ABCA5: variants seen among roughly 807,000 people sequenced by gnomAD.
ABCA5 encodes the protein cholesterol transporter ABCA5.
ABCA5 carries 163 observed loss-of-function variants against 206.0 expected under a neutral mutation model. The observed-to-expected ratio is 0.79, with a 90% CI of 0.70 to 0.90. The LOEUF (loss-of-function observed/expected upper bound fraction) is 0.90, where lower values mean the gene tolerates loss of function less well. Ranked by LOEUF, ABCA5 falls within the 40% of genes least tolerant of loss-of-function variation. The pLI is 0.00. For synonymous variants in ABCA5, 609 were observed against 613.8 expected, an observed-to-expected ratio of 0.99 and a Z score of 0.11; for missense variants, 1,859 against 1,912.9, an observed-to-expected ratio of 0.97 and a Z score of 0.53.
intron 22 of ABCA5, 85 bp downstream of exon 22, chr17:69,270,528 T>A: frequency 8.2e-7 from 1 of 1,223,712 alleles, no homozygotes; most frequent in East Asian, 2.8e-5. Context: ...AATTTCTACA[T>A]ATTTTGTTAT....
intron 16 of ABCA5, 25 bp downstream of exon 16, chr17:69,286,196 T>C (rs1289868105): frequency 6.3e-7 from 1 of 1,589,804 alleles, no homozygotes; most frequent in Non-Finnish European, 8.6e-7. Flanking sequence ...TAATATAGAA[T>C]AATGTCAATA....
chr17:69,270,984 T>C (rs539449321), intron 21 of ABCA5, among the ~76,000 whole-genome samples, 178 bp downstream of exon 21: 135 of 152,334 alleles, frequency 8.9e-4, no homozygotes, highest in African/African-American at 3.1e-3. Flanking sequence ...TGTAACTTTA[T>C]ATATTGGTCA....
At chr17:69,313,655 T>C (rs960296978) in intron 2 of ABCA5, among the ~76,000 whole-genome samples, 1 of 152,154 alleles carries the variant, frequency 6.6e-6, no homozygotes, top group Admixed American at 6.5e-5. Flanking sequence ...CATCCCTATA[T>C]GGATTCACCA....
At chr17:69,294,249 G>A (rs537670823) in intron 11 of ABCA5, among the ~76,000 whole-genome samples, 5 of 152,196 alleles carry the variant, frequency 3.3e-5, no homozygotes, top group East Asian at 1.9e-4. Context: ...GGGGCTGGGC[G>A]CAGTGGCTCA....
intron 20 of ABCA5, 61 bp downstream of exon 20, chr17:69,273,898 T>A: frequency 6.8e-7 from 1 of 1,462,908 alleles, no homozygotes; most frequent in Non-Finnish European, 9.2e-7. Flanking sequence ...CAGACCTTTA[T>A]CCACCCCTCA....
At chr17:69,307,878 A>T (rs907700387) in intron 5 of ABCA5, among the ~76,000 whole-genome samples, 14 of 152,128 alleles carry the variant, frequency 9.2e-5, no homozygotes, top group Admixed American at 2.6e-4. Flanking sequence ...TGAAATTACA[A>T]TATTTTGTAG....
intron 19 of ABCA5, among the ~76,000 whole-genome samples, chr17:69,274,480 T>TC (rs1294493897): frequency 6.6e-6 from 1 of 151,828 alleles, no homozygotes; most frequent in Non-Finnish European, 1.5e-5. Flanking sequence ...TGCCTCAGCC[T>TC]CCCAAAGTGC....
At chr17:69,278,807 C>T (rs1206855228) in intron 18 of ABCA5, among the ~76,000 whole-genome samples, 1 of 152,032 alleles carries the variant, frequency 6.6e-6, no homozygotes, top group Non-Finnish European at 1.5e-5. Flanking sequence ...TCAACAGATG[C>T]AGAAAAGGCC....
intron 10 of ABCA5, among the ~76,000 whole-genome samples, chr17:69,296,986 A>G (rs911120335): frequency 2.0e-5 from 3 of 152,110 alleles, no homozygotes; most frequent in African/African-American, 7.3e-5. Context: ...AGAAAGAAAC[A>G]TAAAATTTCA....
Position 69,249,974 on chromosome 17 carries a change from T to C in ABCA5, c.4696A>G (p.Ile1566Val). ...NASRQESFSS[I>V]LAYKIPKEDV... ...TCCTTAGGAATTTTATAAGCCAAAATAGAAGAAAAACTGGAAAAAAAGATA... is the reference window on the plus strand; with the variant it reads ...TCCTTAGGAATTTTATAAGCCAAAACAGAAGAAAAACTGGAAAAAAAGATA... The change falls in exon 37 of 39, where the codon ATT becomes GTT. Residue 1566 changes from isoleucine to valine, a missense_variant. Transcript: ENST00000392676. 6.7e-7 allele frequency: 1 copy of C among 1,481,766 alleles called. No homozygotes were observed. The highest frequency in any genetic ancestry group is 9.0e-7 in the Non-Finnish European group (1 of 1,110,748). The allele number at this position is 1,481,766 out of a possible 1,614,324, so 91.8% of individuals were successfully genotyped here.
intron 1 of ABCA5, among the ~76,000 whole-genome samples, chr17:69,321,969 C>T (rs1230736837): frequency 1.3e-5 from 2 of 151,916 alleles, no homozygotes. Context: ...AAATGGAAAG[C>T]CTACTAAAGC....
At chr17:69,310,138 C>T (rs1259028286) in intron 3 of ABCA5, among the ~76,000 whole-genome samples, 1 of 151,776 alleles carries the variant, frequency 6.6e-6, no homozygotes, top group Non-Finnish European at 1.5e-5. Flanking sequence ...TAAAAAATAA[C>T]TTCGTTATTT....
intron 23 of ABCA5, among the ~76,000 whole-genome samples, chr17:69,265,669 G>C (rs1412421878): frequency 6.6e-6 from 1 of 152,048 alleles, no homozygotes; most frequent in African/African-American, 2.4e-5. Context: ...GAAATATAAA[G>C]ATTAGTTAAG....
At chr17:69,322,363 CAAAA>C (rs3029978) in intron 1 of ABCA5, among the ~76,000 whole-genome samples, 3 of 52,382 alleles carry the variant, frequency 5.7e-5, no homozygotes, top group African/African-American at 2.5e-4. Flanking sequence ...GATTCCGTCT[CAAAA>C]AAAAAAAAAA....
chr17:69,318,651 C>A, intron 1 of ABCA5: 1 of 348,846 alleles, frequency 2.9e-6, no homozygotes, highest in Non-Finnish European at 5.2e-6. Context: ...AAAACAAAAG[C>A]AGTCAAGAAT....
chr17:69,315,911 C>T lies in ABCA5; in HGVS notation c.-15-1481G>A, dbSNP rs769375536. Among the ~76,000 whole-genome samples the T allele has an allele frequency of 1.6e-4, 24 of 151,862 alleles. 1 individual carries two copies. The highest frequency in any genetic ancestry group is 2.2e-4 in the Non-Finnish European group (15 of 67,962). On this transcript the variant is annotated intron_variant, in intron 1 of 38. Transcript: ENST00000392676. Reference sequence around the variant, plus strand: ...CTATTTAAGGGCTTCAGCAAACAATCGAAAGTACTCTTGAAAGCAATGAAA... The same window carrying T: ...CTATTTAAGGGCTTCAGCAAACAATTGAAAGTACTCTTGAAAGCAATGAAA...
chr17:69,318,753 C>A, intron 1 of ABCA5: 2 of 650,436 alleles, frequency 3.1e-6, no homozygotes, highest in Admixed American at 3.7e-5. Context: ...CTTACACTCC[C>A]GAGTTGAAAA....
intron 15 of ABCA5, among the ~76,000 whole-genome samples, 189 bp downstream of exon 15, chr17:69,287,424 A>G (rs1301245200): frequency 6.6e-6 from 1 of 152,114 alleles, no homozygotes; most frequent in Non-Finnish European, 1.5e-5. Context: ...ACATCACTAA[A>G]CCTGGGATGG....
rs1004986286 is a variant in ABCA5 at position 69,270,553 on chromosome 17, T to A, written c.3030+60A>T. On this transcript the variant is annotated intron_variant, in intron 22 of 38. Coordinates refer to ENST00000392676, the MANE Select transcript of ABCA5 (RefSeq NM_172232.4). ...TATTTTGTTATTTTTGCTTAGTTTT[T>A]AATGGTTATTATATATATGACATGC... 1.0e-5 allele frequency: 15 copies of A among 1,429,558 alleles called. No individual in the cohort carries two copies. In the African/African-American group the frequency reaches 1.3e-4, roughly 13 times the overall value. The allele number at this position is 1,429,558 out of a possible 1,614,324, so 88.6% of individuals were successfully genotyped here.
Sources: gnomAD v4.1 joint callset for allele counts (sites outside exome capture counted in the v4.1 genomes callset) on GRCh38, gnomAD v4.1.1 for gene constraint, MANE v1.5 for transcripts, NCBI Gene and HGNC (gene_info 2026-07-23, HGNC 2026-07-21) for gene names.